The following NUP205 variants were observed in gnomAD, a reference collection of about 807,000 sequenced individuals.
The protein encoded by NUP205 is nucleoporin 205, also known as nuclear pore complex protein Nup205.
NUP205 carries 76 observed loss-of-function variants against 253.8 expected under a neutral mutation model. The observed-to-expected ratio is 0.30, with a 90% confidence interval of 0.25 to 0.36. NUP205 has a LOEUF of 0.36. Ranked by LOEUF, NUP205 falls within the 10% of genes least tolerant of loss-of-function variation. The pLI, the probability that NUP205 is intolerant of heterozygous loss-of-function variation, is 1.00. For missense variants in NUP205, 2,162 were observed against 2,425.5 expected (o/e 0.89, Z 2.28); for synonymous variants, 832 against 850.1 (o/e 0.98, Z 0.37).
intron 38 of NUP205, 77 bp from the exon 39 acceptor site, chr7:135,643,115 G>C: frequency 7.1e-7 from 1 of 1,409,684 alleles, no homozygotes; most frequent in African/African-American, 1.4e-5. Context: ...GGCATCCCTT[G>C]TTTTAAAACA....
rs775432992 is a variant in NUP205 at position 135,576,402 on chromosome 7, C to T, written c.476C>T (p.Thr159Ile). The T allele has an allele frequency of 1.9e-6, 3 of 1,608,822 alleles. No homozygotes were observed. Among genetic ancestry groups the T allele is most frequent in the East Asian group, 4.5e-5 (2 of 44,818 alleles). The stretch of plus-strand genomic sequence containing the variant: ...CAGTCTAGACGGGGAAAGACATGGA[C>T]CCTAGAACTCAGGTCTTTTTACTTC... Reference protein sequence around the residue: ...LIQSRRGKTWTLELSPELASM... With the variant: ...LIQSRRGKTWILELSPELASM... The change falls in exon 4 of 43, where the codon ACC becomes ATC. Residue 159 changes from threonine to isoleucine, a missense_variant. Physicochemically the swap from Thr to Ile is moderately conservative, Grantham distance 89. Transcript: ENST00000285968.
At chr7:135,610,685 A>G (rs1794208354) in intron 22 of NUP205, among the ~76,000 whole-genome samples, 1 of 152,234 alleles carries the variant, frequency 6.6e-6, no homozygotes, top group African/African-American at 2.4e-5. Context: ...ATAACTAAAT[A>G]TACTCCCTAT....
chr7:135,610,553 A>G (rs1794204586), intron 22 of NUP205, among the ~76,000 whole-genome samples: 2 of 151,892 alleles, frequency 1.3e-5, no homozygotes, highest in South Asian at 2.1e-4. Context: ...CTACTCAAAT[A>G]TGGCCCAGGG....
At chr7:135,640,617 T>C (rs1794901096) in intron 38 of NUP205, among the ~76,000 whole-genome samples, 1 of 152,202 alleles carries the variant, frequency 6.6e-6, no homozygotes, top group East Asian at 1.9e-4. Flanking sequence ...TTTTTCGTTT[T>C]ATGCCATGGA....
chr7:135,647,477 A>G (rs916265716), intron 42 of NUP205, among the ~76,000 whole-genome samples: 1 of 152,194 alleles, frequency 6.6e-6, no homozygotes, highest in Non-Finnish European at 1.5e-5. Flanking sequence ...AATTGAGGCC[A>G]TGTGCAAAAT....
At chr7:135,637,581 T>G (rs1466161511) in intron 36 of NUP205, among the ~76,000 whole-genome samples, 1 of 152,228 alleles carries the variant, frequency 6.6e-6, no homozygotes, top group African/African-American at 2.4e-5. Flanking sequence ...CCCTCTCATT[T>G]TGCTTCTCTT....
intron 1 of NUP205, among the ~76,000 whole-genome samples, chr7:135,561,686 A>C (rs555926258): frequency 6.6e-6 from 1 of 152,234 alleles, no homozygotes; most frequent in Non-Finnish European, 1.5e-5. Flanking sequence ...CTTTTGAATC[A>C]CTTTTCCTCT....
intron 1 of NUP205, among the ~76,000 whole-genome samples, chr7:135,565,854 C>T (rs185532518): frequency 2.0e-5 from 3 of 152,256 alleles, no homozygotes; most frequent in East Asian, 3.9e-4. Context: ...GGAAAAATTC[C>T]ATCATGGCCC....
At chr7:135,619,971 T>C in intron 30 of NUP205, 83 bp downstream of exon 30, 1 of 887,822 alleles carries the variant, frequency 1.1e-6, no homozygotes, top group East Asian at 2.4e-5. Context: ...TCTCCATCTT[T>C]TGACTAATCA....
chr7:135,606,682 G>A (rs371303834), intron 20 of NUP205, 69 bp from the exon 21 acceptor site: 40 of 1,242,474 alleles, frequency 3.2e-5, no homozygotes, highest in East Asian at 1.9e-4. Flanking sequence ...TACAAGTTTT[G>A]TATTTTTTAT....
At chr7:135,558,179 G>A in intron 1 of NUP205, 1 of 607,828 alleles carries the variant, frequency 1.6e-6, no homozygotes, top group Non-Finnish European at 3.0e-6. Flanking sequence ...TGGGGTTTGA[G>A]ATTCCAGGCA....
rs962840918 is a variant in NUP205 at position 135,645,080 on chromosome 7, T to C, written c.5683+62T>C. 30 of 1,581,636 alleles carry C rather than the reference T, an allele frequency of 1.9e-5. No homozygotes were observed. In the African/African-American group the frequency reaches 3.5e-4, roughly 19 times the overall value. ...TTGAAATATAGGAACTGTTCACTTATTCTCATATTATTTGGGCACCAAAAC... is the reference window on the plus strand; with the variant it reads ...TTGAAATATAGGAACTGTTCACTTACTCTCATATTATTTGGGCACCAAAAC... On this transcript the variant is annotated intron_variant, in intron 40 of 42. Transcript: ENST00000285968.
chr7:135,645,764 C>T (rs1794995909), intron 41 of NUP205, 168 bp downstream of exon 41: 2 of 648,860 alleles, frequency 3.1e-6, no homozygotes, highest in Non-Finnish European at 5.2e-6. Context: ...ACTTTCTGTT[C>T]ACGGGACATT....
rs544923508 is a variant in NUP205 at position 135,634,389 on chromosome 7, G to T, written c.5060-1192G>T. 3.3e-5 allele frequency among the ~76,000 whole-genome samples: 5 copies of T among 152,308 alleles called. No individual in the cohort carries two copies. In the South Asian group the frequency reaches 1.0e-3, roughly 32 times the overall value. On this transcript the variant is annotated intron_variant, in intron 35 of 42. Coordinates refer to ENST00000285968, the MANE Select transcript of NUP205 (RefSeq NM_015135.3). ...GCAGGGGAAAGTGAACTTTGGAACA[G>T]CAATACCTGGTGCAGAGTTCAGCAA...
chr7:135,576,808 G>T lies in NUP205; in HGVS notation c.489-161G>T, dbSNP rs573258451. On this transcript the variant is annotated intron_variant, in intron 4 of 42. Coordinates refer to ENST00000285968, the MANE Select transcript of NUP205 (RefSeq NM_015135.3). The stretch of plus-strand genomic sequence containing the variant: ...GAGGTGGGAGAAAGACCTGAGCCTG[G>T]GACGTCAAGGCTGCAGTGAGCCATG... Among the ~76,000 whole-genome samples, 21 of 152,194 alleles carry T rather than the reference G, an allele frequency of 1.4e-4. No homozygotes were observed. In the South Asian group the frequency reaches 4.2e-3, roughly 30 times the overall value.
Position 135,594,654 on chromosome 7 carries a change from A to G in NUP205, c.1938A>G (p.Leu646=), listed in dbSNP as rs933706344. ...CSIPPVLKAE[L]LKTLAAFGKS... The stretch of plus-strand genomic sequence containing the variant: ...TTCCCCCTGTCCTAAAAGCTGAGCT[A>G]CTGAAGACACTCGCAGCTTTTGGAA... Residue 646 remains leucine, a synonymous_variant, in exon 13 of 43, where the codon CTA becomes CTG. Coordinates refer to ENST00000285968, the MANE Select transcript of NUP205 (RefSeq NM_015135.3). 6.8e-6 allele frequency: 11 copies of G among 1,613,938 alleles called. No individual in the cohort carries two copies. The East Asian group carries it at 8.9e-5, about 13-fold the overall frequency.
At position 135,619,812 on chromosome 7, in the gene NUP205, G is replaced by A; in HGVS notation, c.4254G>A (p.Arg1418=). ...TAGGTGGTGGATTCCAACGAGTGAG[G>A]ACTCACTTGTATGGCTCTCTGCTTT... The part of the protein sequence containing the change: ...LKTGGGFQRV[R]THLYGSLLYY... Residue 1418 remains arginine (R), a synonymous_variant, in exon 30 of 43, where the codon AGG becomes AGA. Transcript: ENST00000285968. 1 of 1,612,398 alleles carries A rather than the reference G, an allele frequency of 6.2e-7. No individual in the cohort carries two copies. The highest frequency in any genetic ancestry group is 8.5e-7 in the Non-Finnish European group (1 of 1,178,880).
chr7:135,566,489 T>A (rs1805763558), intron 1 of NUP205, among the ~76,000 whole-genome samples: 1 of 152,174 alleles, frequency 6.6e-6, no homozygotes, highest in Non-Finnish European at 1.5e-5. Flanking sequence ...TCGAGCTATA[T>A]TTTTAATCAG....
intron 31 of NUP205, 80 bp from the exon 32 acceptor site, chr7:135,625,084 T>A (rs923331934): frequency 9.6e-7 from 1 of 1,046,662 alleles, no homozygotes; most frequent in Admixed American, 2.4e-5. Flanking sequence ...ATTTCATATC[T>A]GATGTCAGAT....
Sources: allele counts gnomAD v4.1 joint callset (sites outside exome capture counted in the v4.1 genomes callset), GRCh38; gene constraint gnomAD v4.1.1; transcripts MANE v1.5; gene names NCBI Gene and HGNC (gene_info 2026-07-23, HGNC 2026-07-21).